Variants in MTUS1 observed in about 807,000 individuals in gnomAD.
MTUS1 encodes microtubule-associated tumor suppressor 1.
A neutral mutation model predicts 120.8 loss-of-function variants in MTUS1; 109 were observed. The observed-to-expected ratio is 0.90, with a 90% CI of 0.77 to 1.06. MTUS1 has a LOEUF of 1.06. Among genes scored for constraint, MTUS1 ranks in the 50% least tolerant of loss-of-function variants. MTUS1 has a pLI of 0.00. For missense variants in MTUS1, 2,210 were observed against 1,486.3 expected (o/e 1.49, Z -8.01); for synonymous variants, 737 against 550.5 (o/e 1.34, Z -4.74).
chr8:17,685,914 A>C (rs1815690441), intron 6 of MTUS1, among the ~76,000 whole-genome samples: 1 of 152,226 alleles, frequency 6.6e-6, no homozygotes, highest in East Asian at 1.9e-4. Flanking sequence ...TAGATGTAGA[A>C]AATAGCCAAG....
chr8:17,645,969 C>T lies in MTUS1; in HGVS notation c.3770G>A (p.Arg1257Lys). The stretch of plus-strand genomic sequence containing the variant: ...GGGGCTAGGGAAGGAGCCCGAATTC[C>T]TTGGTGACTGCAAAGGGATGGCGGA... ...TSSAIPLQSP[R>K]NSGSFPSPSI... The change falls in exon 15 of 15, where the codon AGG becomes AAG. Residue 1257 changes from arginine (R) to lysine (K), a missense_variant. Physicochemically the swap from Arg to Lys is conservative, Grantham distance 26. Transcript: ENST00000693296. 1 of 1,613,250 alleles carries T rather than the reference C, an allele frequency of 6.2e-7. No homozygotes were observed. Among genetic ancestry groups the T allele is most frequent in the Non-Finnish European group, 8.5e-7 (1 of 1,179,948 alleles).
intron 3 of MTUS1, among the ~76,000 whole-genome samples, chr8:17,732,000 G>A (rs997842585): frequency 1.3e-5 from 2 of 152,222 alleles, no homozygotes; most frequent in African/African-American, 2.4e-5. Flanking sequence ...ACAAGAGGGC[G>A]AAGGGGGAGC....
chr8:17,774,456 G>C (rs1307416930), intron 1 of MTUS1, among the ~76,000 whole-genome samples: 1 of 152,360 alleles, frequency 6.6e-6, no homozygotes, highest in South Asian at 2.1e-4. Flanking sequence ...GTGAAGAAAA[G>C]GAAGCGGAGG....
intron 7 of MTUS1, chr8:17,676,442 C>A: frequency 1.5e-6 from 1 of 658,550 alleles, no homozygotes; most frequent in Non-Finnish European, 2.8e-6. Flanking sequence ...TAGCAGGAGG[C>A]GCGCCATTGG....
chr8:17,757,826 C>T (rs1169546480), intron 1 of MTUS1, among the ~76,000 whole-genome samples: 6 of 152,164 alleles, frequency 3.9e-5, no homozygotes, highest in Non-Finnish European at 8.8e-5. Flanking sequence ...CACGCCCGGC[C>T]ACTTTTGGGA....
chr8:17,684,404 T>C lies in MTUS1; in HGVS notation c.2762A>G (p.Gln921Arg). The change falls in exon 7 of 15, where the codon CAG becomes CGG. Residue 921 changes from glutamine to arginine, a missense_variant. Physicochemically the swap from Gln to Arg is conservative, Grantham distance 43. Transcript: ENST00000693296. Reference protein sequence around the residue: ...KCENQSGFILQLKQLLACGNT... With the variant: ...KCENQSGFILRLKQLLACGNT... ...ACCACAGGCAAGAAGCTGCTTGAGC[T>C]GCAGGATAAATCCACTTTGGTTTTC... 1 of 1,614,242 alleles carries C rather than the reference T, an allele frequency of 6.2e-7. No individual in the cohort carries two copies. Among genetic ancestry groups the C allele is most frequent in the East Asian group, 2.2e-5 (1 of 44,888 alleles).
intron 3 of MTUS1, 151 bp from the exon 4 acceptor site, chr8:17,723,984 A>T: frequency 1.6e-6 from 1 of 640,370 alleles, no homozygotes; most frequent in Non-Finnish European, 2.7e-6. Flanking sequence ...TGAAAGATGA[A>T]AGCTTCACGC....
Position 17,755,127 on chromosome 8 carries a change from GCTTT to G in MTUS1, c.677_680del (p.Glu226AlafsTer15). 6 of 1,614,052 alleles carry G rather than the reference GCTTT, an allele frequency of 3.7e-6. No homozygotes were observed. Among genetic ancestry groups the G allele is most frequent in the East Asian group, 2.2e-5 (1 of 44,884 alleles). ...ATGGTGTGACTTGAGGGTTTTCAAAGCTTTCTCTATCATAAGTAGTTTCTCTTGC... is the reference window on the plus strand; with the variant it reads ...ATGGTGTGACTTGAGGGTTTTCAAAGCTCTATCATAAGTAGTTTCTCTTGC... On this transcript the variant is annotated frameshift_variant, in exon 2 of 15. Coordinates refer to ENST00000693296, the MANE Select transcript of MTUS1 (RefSeq NM_001363059.2). LOFTEE classifies it high-confidence loss of function.
intron 1 of MTUS1, among the ~76,000 whole-genome samples, chr8:17,783,270 G>C (rs546320850): frequency 4.6e-5 from 7 of 152,250 alleles, no homozygotes; most frequent in East Asian, 3.9e-4. Context: ...AGGTGAGTGA[G>C]GTGTTCTCTC....
At chr8:17,707,358 A>G (rs1820377107) in intron 6 of MTUS1, among the ~76,000 whole-genome samples, 1 of 152,138 alleles carries the variant, frequency 6.6e-6, no homozygotes, top group African/African-American at 2.4e-5. Context: ...TCCTCTGTCC[A>G]CACAGTAACT....
intron 1 of MTUS1, among the ~76,000 whole-genome samples, chr8:17,764,566 C>A (rs115268086): frequency 3.9e-5 from 6 of 152,158 alleles, no homozygotes; most frequent in Admixed American, 3.9e-4. Context: ...CGTCTTCACA[C>A]GTTAATCTAG....
intron 3 of MTUS1, among the ~76,000 whole-genome samples, chr8:17,724,986 C>A (rs1329222778): frequency 2.0e-5 from 3 of 152,070 alleles, no homozygotes; most frequent in African/African-American, 4.8e-5. Context: ...AAACTTCTGG[C>A]CTTAAGCAGT....
At chr8:17,670,207 T>A (rs961990472) in intron 8 of MTUS1, among the ~76,000 whole-genome samples, 4 of 152,206 alleles carry the variant, frequency 2.6e-5, no homozygotes, top group Admixed American at 6.5e-5. Flanking sequence ...AGGAAGGGGC[T>A]GGACCATCAG....
intron 2 of MTUS1, 26 bp downstream of exon 2, chr8:17,753,691 G>C (rs772324037): frequency 2.1e-5 from 31 of 1,469,080 alleles, no homozygotes; most frequent in South Asian, 1.5e-4. Flanking sequence ...TCTGAAGCAT[G>C]CAAAAAATAT....
intron 1 of MTUS1, among the ~76,000 whole-genome samples, chr8:17,778,345 T>A (rs1379585159): frequency 6.6e-6 from 1 of 152,156 alleles, no homozygotes; most frequent in Non-Finnish European, 1.5e-5. Context: ...AGGATTGGTG[T>A]TTGTCTAAGA....
chr8:17,684,271 T>C (rs1815257375), intron 7 of MTUS1, 57 bp downstream of exon 7: 2 of 1,291,338 alleles, frequency 1.5e-6, no homozygotes, highest in East Asian at 4.6e-5. Flanking sequence ...GAGCAAGTCC[T>C]CCCCGTGCTC....
At chr8:17,746,831 C>A (rs757715320) in intron 2 of MTUS1, among the ~76,000 whole-genome samples, 1 of 152,124 alleles carries the variant, frequency 6.6e-6, no homozygotes, top group African/African-American at 2.4e-5. Context: ...GTTTATTGTA[C>A]CCCATTTTAA....
intron 3 of MTUS1, chr8:17,724,240 G>A (rs1225477875): frequency 2.9e-6 from 1 of 350,616 alleles, no homozygotes; most frequent in Non-Finnish European, 5.5e-6. Flanking sequence ...TAGGACAATA[G>A]GCTATCATAT....
intron 6 of MTUS1, among the ~76,000 whole-genome samples, chr8:17,689,997 C>G (rs1341044849): frequency 2.0e-5 from 3 of 152,132 alleles, no homozygotes; most frequent in Non-Finnish European, 4.4e-5. Flanking sequence ...ATCTCAAAAG[C>G]AAATGCAGCA....
Sources: gnomAD v4.1 joint callset for allele counts (sites outside exome capture counted in the v4.1 genomes callset) on GRCh38, gnomAD v4.1.1 for gene constraint, MANE v1.5 for transcripts, NCBI Gene and HGNC (gene_info 2026-07-23, HGNC 2026-07-21) for gene names.